Variants in PNPLA6 observed in about 807,000 individuals in gnomAD.
The protein encoded by PNPLA6 is patatin-like phospholipase domain-containing protein 6.
Under a neutral mutation model 153.7 loss-of-function variants are expected in PNPLA6, and 105 were observed. The ratio of observed to expected loss-of-function variants is 0.68; its 90% CI spans 0.58 to 0.80. PNPLA6 has a LOEUF of 0.80. Among genes scored for constraint, PNPLA6 ranks in the 30% least tolerant of loss-of-function variants. The pLI is 0.00. For missense variants in PNPLA6, 1,423 were observed against 1,919.3 expected, an observed-to-expected ratio of 0.74 and a Z score of 4.83; for synonymous variants, 825 against 822.2, an observed-to-expected ratio of 1.00 and a Z score of -0.06.
At chr19:7,556,355 C>A in intron 24 of PNPLA6, 98 bp from the exon 25 acceptor site, 2 of 807,374 alleles carry the variant, frequency 2.5e-6, no homozygotes, top group Non-Finnish European at 2.2e-6. Flanking sequence ...AGCCGCTGCA[C>A]CTGGCCCCTA....
chr19:7,554,149 G>A, intron 19 of PNPLA6, 60 bp from the exon 20 acceptor site: 1 of 1,586,400 alleles, frequency 6.3e-7, no homozygotes, highest in Non-Finnish European at 8.7e-7. Flanking sequence ...ATTCTTTTCT[G>A]AGTTAGGCCC....
rs1471014472 is a variant in PNPLA6, at chr19:7,555,116, G to A, written c.2817+41G>A. The A allele has an allele frequency of 1.9e-6, 3 of 1,577,012 alleles. No individual in the cohort carries two copies. The highest frequency in any genetic ancestry group is 2.6e-6 in the Non-Finnish European group (3 of 1,168,730). On this transcript the variant is annotated intron_variant, in intron 22 of 31. Transcript: ENST00000600737. The surrounding 1 kb of genome is among the most constrained non-coding windows in gnomAD (Gnocchi z 6.3). ...GCCCCCACCTTCTAGGGGCGTGGCTGGTGGGCGAGGCTTGGGAGACTGGGG... is the reference window on the plus strand; with the variant it reads ...GCCCCCACCTTCTAGGGGCGTGGCTAGTGGGCGAGGCTTGGGAGACTGGGG...
chr19:7,545,120 G>A (rs567802332), intron 13 of PNPLA6, among the ~76,000 whole-genome samples: 62 of 152,036 alleles, frequency 4.1e-4, no homozygotes, highest in Admixed American at 2.9e-3. Context: ...TCTGCCTCCC[G>A]GATTCAAGTG....
rs760936292 is a variant in PNPLA6, at chr19:7,541,989, C to A, written c.1174C>A (p.Pro392Thr). 4 of 1,608,044 alleles carry A rather than the reference C, an allele frequency of 2.5e-6. No individual in the cohort carries two copies. In the South Asian group the frequency reaches 4.4e-5, roughly 18 times the overall value. Residue 392 changes from proline to threonine, a missense_variant, in exon 10 of 32, where the codon CCT becomes ACT. By Grantham distance (38) the Pro-to-Thr change is conservative. Around this residue, in one of 10 missense-constraint regions of PNPLA6, gnomAD observed 267 missense variants for 255.1 expected, o/e 1.05. Transcript: ENST00000600737. This position sits in a 1 kb window ranked among gnomAD's most constrained non-coding sequence, Gnocchi z 5.2. The stretch of plus-strand genomic sequence containing the variant: ...TGAACATGTGTCTCCCCCAGGGGAC[C>A]CTGTGAAGCCCACATCCCTGGAAAC... ...GAPLPGPTGD[P>T]VKPTSLETPS...
At chr19:7,558,181 G>A (rs1599311563) in intron 27 of PNPLA6, among the ~76,000 whole-genome samples, 2 of 152,340 alleles carry the variant, frequency 1.3e-5, no homozygotes, top group East Asian at 3.9e-4. Context: ...CAGGTGAGAA[G>A]CGGGCAGGTA....
chr19:7,545,306 C>T (rs1014625072), intron 13 of PNPLA6, among the ~76,000 whole-genome samples: 3 of 152,022 alleles, frequency 2.0e-5, no homozygotes, highest in Non-Finnish European at 4.4e-5. Context: ...GGATTACAGG[C>T]GTGATCCTCG....
In PNPLA6 at chr19:7,553,822, T is replaced by G. The variant is rs567910047; in HGVS notation, c.2261-53T>G. The G allele has an allele frequency of 3.1e-6, 5 of 1,608,792 alleles. No individual in the cohort carries two copies. The South Asian group carries it at 5.5e-5, about 18-fold the overall frequency. ...GGAAGAAGAGGAGGAGGAGGGTTCA[T>G]CTCTCTGGACACAGGTTCGCACCAC... On this transcript the variant is annotated intron_variant, in intron 18 of 31. Coordinates refer to ENST00000600737, the MANE Select transcript of PNPLA6 (RefSeq NM_001166114.2).
chr19:7,549,496 T>TCTTCTTC (rs59753320), intron 13 of PNPLA6, among the ~76,000 whole-genome samples: 10 of 127,704 alleles, frequency 7.8e-5, no homozygotes, highest in African/African-American at 2.8e-4. Flanking sequence ...TTCTTCTTCT[T>TCTTCTTC]TTTTTTTTTA....
intron 13 of PNPLA6, among the ~76,000 whole-genome samples, chr19:7,544,198 G>A (rs1054733109): frequency 5.3e-5 from 8 of 151,052 alleles, no homozygotes; most frequent in African/African-American, 1.9e-4. Context: ...TGCAACCTCC[G>A]CCTCCTGGGT....
Position 7,541,699 on chromosome 19 carries a change from G to A in PNPLA6, c.1168+15G>A, listed in dbSNP as rs1345378810. ...TGGACCTACAGGTACCCAGGGACCC[G>A]AGGCCAGCCGAGCCCAATCTCCCAG... On this transcript the variant is annotated intron_variant, in intron 9 of 31. Coordinates refer to ENST00000600737, the MANE Select transcript of PNPLA6 (RefSeq NM_001166114.2). This position sits in a 1 kb window ranked among gnomAD's most constrained non-coding sequence, Gnocchi z 5.2. 2.6e-6 allele frequency: 4 copies of A among 1,556,764 alleles called. No individual in the cohort carries two copies. The highest frequency in any genetic ancestry group is 3.8e-5 in the Admixed American group (2 of 52,538).
chr19:7,551,597 A>C (rs1322037515), intron 18 of PNPLA6, among the ~76,000 whole-genome samples, 160 bp downstream of exon 18: 2 of 152,094 alleles, frequency 1.3e-5, no homozygotes, highest in Non-Finnish European at 2.9e-5. Context: ...CCAGGTGCAG[A>C]GCATTCTGGG....
chr19:7,555,840 G>A lies in PNPLA6; in HGVS notation c.3093+77G>A. 1 of 1,497,794 alleles carries A rather than the reference G, an allele frequency of 6.7e-7. No individual in the cohort carries two copies. The highest frequency in any genetic ancestry group is 9.2e-7 in the Non-Finnish European group (1 of 1,085,360). 92.8% of individuals were successfully genotyped at this position (1,497,794 alleles called of 1,614,324 possible). ...TGGTTCCAACCTAACCTGATCCCAT[G>A]GGGGAGCCTCCGGGGTCAGGGTGAC... On this transcript the variant is annotated intron_variant, in intron 24 of 31. Coordinates refer to ENST00000600737, the MANE Select transcript of PNPLA6 (RefSeq NM_001166114.2). The surrounding 1 kb of genome is among the most constrained non-coding windows in gnomAD (Gnocchi z 6.3).
chr19:7,536,209 GC>G lies in PNPLA6; in HGVS notation c.256del (p.Arg86GlyfsTer41). The part of the protein sequence containing the change: ...LRVPKTPAPD[G>X]PRYRFRKRDK... ...TCCCCAGAAACCCCAGCCCCGGATG[GC>G]CCCCGGTATCGGTTCCGGAAGAGGG... On this transcript the variant is annotated frameshift_variant, in exon 2 of 32. Coordinates refer to ENST00000600737, the MANE Select transcript of PNPLA6 (RefSeq NM_001166114.2). LOFTEE classifies it high-confidence loss of function. 6.2e-7 allele frequency: 1 copy of G among 1,613,416 alleles called. No individual in the cohort carries two copies. The highest frequency in any genetic ancestry group is 8.5e-7 in the Non-Finnish European group (1 of 1,179,444).
At chr19:7,538,625 G>A (rs532999294) in intron 3 of PNPLA6, among the ~76,000 whole-genome samples, 2 of 152,262 alleles carry the variant, frequency 1.3e-5, no homozygotes, top group South Asian at 2.1e-4. Context: ...GCTCTCCCAG[G>A]TCCACGATTA....
At position 7,541,636 on chromosome 19, in the gene PNPLA6, C is replaced by A. The variant is rs867497531; in HGVS notation, c.1120C>A (p.Pro374Thr). 6.3e-7 allele frequency: 1 copy of A among 1,586,864 alleles called. No homozygotes were observed. Among genetic ancestry groups the A allele is most frequent in the East Asian group, 2.3e-5 (1 of 43,602 alleles). ...AGCTACAGACGAGCCCAGGGAGACC[C>A]CAGGGCGGCCACCCGATCCCACCGG... ...TSATDEPRET[P>T]GRPPDPTGAP... Residue 374 changes from proline (P) to threonine (T), a missense_variant, in exon 9 of 32, where the codon CCA becomes ACA. By Grantham distance (38) the Pro-to-Thr change is conservative. This residue lies in a region of PNPLA6 where 267 missense variants were observed against 255.1 expected (regional missense o/e 1.05). Coordinates refer to ENST00000600737, the MANE Select transcript of PNPLA6 (RefSeq NM_001166114.2). This position sits in a 1 kb window ranked among gnomAD's most constrained non-coding sequence, Gnocchi z 5.2.
At chr19:7,542,132 C>A in intron 10 of PNPLA6, 65 bp downstream of exon 10, 1 of 1,305,336 alleles carries the variant, frequency 7.7e-7, no homozygotes, top group South Asian at 1.2e-5. Flanking sequence ...GGTCCACCGC[C>A]TGCCTGTCTT....
In PNPLA6 at chr19:7,553,774, A is replaced by G. The variant is rs508740; in HGVS notation, c.2261-101A>G. On this transcript the variant is annotated intron_variant, in intron 18 of 31. Coordinates refer to ENST00000600737, the MANE Select transcript of PNPLA6 (RefSeq NM_001166114.2). ...GCTGCAGTCTGGGAGCACAGGAGCAAGAATTTCAGATAAGGAGGAAGAGGA... is the reference window on the plus strand; with the variant it reads ...GCTGCAGTCTGGGAGCACAGGAGCAGGAATTTCAGATAAGGAGGAAGAGGA... 0.46 allele frequency: 693,555 copies of G among 1,499,364 alleles called. 163,978 individuals carry two copies. Among genetic ancestry groups the G allele is most frequent in the Admixed American group, 0.57 (33,897 of 59,260 alleles). 92.9% of individuals were successfully genotyped at this position (1,499,364 alleles called of 1,614,324 possible).
At chr19:7,535,652 C>T (rs1286192975), upstream of PNPLA6, 27 of 1,552,186 alleles carry the variant, frequency 1.7e-5, no homozygotes, top group East Asian at 6.4e-4. The surrounding 1 kb of genome is among the most constrained non-coding windows in gnomAD (Gnocchi z 5.0). Context: ...GCGTGCTCAG[C>T]GCGCATTACG....
intron 18 of PNPLA6, among the ~76,000 whole-genome samples, chr19:7,551,698 C>T (rs1210098031): frequency 1.3e-5 from 2 of 152,000 alleles, no homozygotes; most frequent in Non-Finnish European, 2.9e-5. Context: ...ATCAGTGGTG[C>T]CGGGGAGGGA....
Sources: gnomAD v4.1 joint callset for allele counts (sites outside exome capture counted in the v4.1 genomes callset) on GRCh38, gnomAD v4.1.1 for gene constraint, gnomAD v4.1.1 regional missense constraint, Gnocchi (gnomAD v3.1) non-coding constraint, MANE v1.5 for transcripts, NCBI Gene and HGNC (gene_info 2026-07-23, HGNC 2026-07-21) for gene names.